Variants in BPNT1 observed in about 807,000 individuals in gnomAD.
BPNT1 encodes the protein 3'(2'), 5'-bisphosphate nucleotidase 1, also known as 3'(2'),5'-bisphosphate nucleotidase 1.
BPNT1 carries 28 observed loss-of-function variants against 36.9 expected under a neutral mutation model. That is an observed-to-expected ratio of 0.76 (90% CI 0.56 to 1.04). The LOEUF (loss-of-function observed/expected upper bound fraction) is 1.04, where lower values mean the gene tolerates loss of function less well. BPNT1 is among the 50% of genes least tolerant of loss of function. The pLI is 0.00. For missense variants in BPNT1, 313 were observed against 372.9 expected, an observed-to-expected ratio of 0.84 and a Z score of 1.32; for synonymous variants, 119 against 130.9, an observed-to-expected ratio of 0.91 and a Z score of 0.62.
At chr1:220,075,284 C>T (rs1349969260) in intron 2 of BPNT1, among the ~76,000 whole-genome samples, 3 of 152,222 alleles carry the variant, frequency 2.0e-5, no homozygotes, top group South Asian at 2.1e-4. Context: ...CCTCATGATC[C>T]GCCCACCTCG....
At chr1:220,087,881 T>C (rs186901407) in intron 1 of BPNT1, among the ~76,000 whole-genome samples, 1 of 151,928 alleles carries the variant, frequency 6.6e-6, no homozygotes, top group Non-Finnish European at 1.5e-5. Context: ...ATTAATTAAT[T>C]TATTTATTTT....
intron 4 of BPNT1, among the ~76,000 whole-genome samples, chr1:220,071,538 A>G (rs1331431726): frequency 1.3e-5 from 2 of 152,220 alleles, no homozygotes; most frequent in African/African-American, 4.8e-5. Flanking sequence ...GTAAAACTGC[A>G]CAAGGTAGGA....
intron 5 of BPNT1, 50 bp from the exon 6 acceptor site, chr1:220,067,443 TC>T: frequency 7.9e-7 from 1 of 1,265,510 alleles, no homozygotes; most frequent in Non-Finnish European, 1.1e-6. Context: ...ATATTATGAC[TC>T]ATCATTACTA....
chr1:220,068,999 A>G lies in BPNT1; in HGVS notation c.382+385T>C, dbSNP rs557686593. On this transcript the variant is annotated intron_variant, in intron 5 of 8. Transcript: ENST00000322067. ...GAAAGCAGTTCACAGATTAGGGGAGAGTGAATGGGGAGGGCATGGGATGGT... is the reference window on the plus strand; with the variant it reads ...GAAAGCAGTTCACAGATTAGGGGAGGGTGAATGGGGAGGGCATGGGATGGT... Among the ~76,000 whole-genome samples, 3 of 152,240 alleles carry G rather than the reference A, an allele frequency of 2.0e-5. No individual in the cohort carries two copies. In the South Asian group the frequency reaches 6.2e-4, roughly 32 times the overall value.
chr1:220,063,799 T>A (rs1663278532), intron 6 of BPNT1, among the ~76,000 whole-genome samples: 1 of 152,112 alleles, frequency 6.6e-6, no homozygotes, highest in Non-Finnish European at 1.5e-5. Context: ...TGCTGACAAT[T>A]TTAACAGCAA....
intron 1 of BPNT1, among the ~76,000 whole-genome samples, chr1:220,082,364 A>G (rs944593488): frequency 6.6e-6 from 1 of 151,428 alleles, no homozygotes; most frequent in Non-Finnish European, 1.5e-5. Context: ...TATTTTTAGT[A>G]GAGACGGGGT....
intron 1 of BPNT1, 141 bp from the exon 2 acceptor site, chr1:220,079,995 T>C: frequency 6.9e-6 from 6 of 870,718 alleles, no homozygotes; most frequent in Non-Finnish European, 9.8e-6. Context: ...TTAATATATA[T>C]TTACTAAAAG....
chr1:220,084,418 C>T (rs1311211971), intron 1 of BPNT1, among the ~76,000 whole-genome samples: 4 of 152,012 alleles, frequency 2.6e-5, no homozygotes, highest in Non-Finnish European at 5.9e-5. Flanking sequence ...CCTTTATATC[C>T]ATATCCAGAC....
At chr1:220,068,853 C>T (rs1663787632) in intron 5 of BPNT1, among the ~76,000 whole-genome samples, 1 of 152,120 alleles carries the variant, frequency 6.6e-6, no homozygotes, top group Non-Finnish European at 1.5e-5. Flanking sequence ...TTGTTCATTC[C>T]TACATTTATA....
chr1:220,079,406 C>T (rs1664901673), intron 2 of BPNT1, among the ~76,000 whole-genome samples: 1 of 152,106 alleles, frequency 6.6e-6, no homozygotes, highest in African/African-American at 2.4e-5. Context: ...GCGCTCGCCA[C>T]CACGCCTGGC....
intron 8 of BPNT1, 47 bp downstream of exon 8, chr1:220,059,639 T>C (rs1662839548): frequency 7.5e-7 from 1 of 1,332,042 alleles, no homozygotes; most frequent in South Asian, 1.3e-5. Flanking sequence ...CTTAGCATGA[T>C]ATAATTGTAG....
At chr1:220,075,653 T>C (rs975040474) in intron 2 of BPNT1, among the ~76,000 whole-genome samples, 1 of 152,202 alleles carries the variant, frequency 6.6e-6, no homozygotes, top group Non-Finnish European at 1.5e-5. Context: ...TTCCACTATG[T>C]GAGGAAATCA....
intron 6 of BPNT1, among the ~76,000 whole-genome samples, chr1:220,064,356 T>C (rs1387608910): frequency 1.3e-5 from 2 of 152,184 alleles, no homozygotes; most frequent in South Asian, 2.1e-4. Context: ...TTGGGTTCCC[T>C]GGGAAGCAGA....
At chr1:220,073,860 A>T (rs1664305372) in intron 3 of BPNT1, 107 bp downstream of exon 3, 10 of 1,006,402 alleles carry the variant, frequency 9.9e-6, no homozygotes, top group Non-Finnish European at 1.5e-5. Flanking sequence ...TAAAACAATA[A>T]ATATAATGCT....
intron 7 of BPNT1, among the ~76,000 whole-genome samples, chr1:220,061,458 C>T (rs1259689671): frequency 4.7e-5 from 7 of 148,698 alleles, no homozygotes; most frequent in African/African-American, 1.2e-4. Flanking sequence ...CGCTTGAACC[C>T]GGGAGGTGGA....
chr1:220,066,759 T>C (rs2102658858), intron 6 of BPNT1, among the ~76,000 whole-genome samples: 1 of 152,306 alleles, frequency 6.6e-6, no homozygotes, highest in Admixed American at 6.5e-5. Flanking sequence ...AAGAGCATAG[T>C]ACGTTCTGTT....
At chr1:220,072,424 C>T (rs1048138508) in intron 4 of BPNT1, among the ~76,000 whole-genome samples, 1 of 151,880 alleles carries the variant, frequency 6.6e-6, no homozygotes, top group African/African-American at 2.4e-5. Context: ...AGGTGATCCT[C>T]CCATCTCAAC....
intron 6 of BPNT1, among the ~76,000 whole-genome samples, chr1:220,065,561 A>C (rs1438248639): frequency 6.6e-6 from 1 of 152,216 alleles, no homozygotes; most frequent in African/African-American, 2.4e-5. Flanking sequence ...GGCAATATAA[A>C]GTAATACAGT....
In BPNT1 at chr1:220,057,977, A is replaced by T; in HGVS notation, c.*867T>A. 2 of 736,072 alleles carry T rather than the reference A, an allele frequency of 2.7e-6. No individual in the cohort carries two copies. The highest frequency in any genetic ancestry group is 3.6e-5 in the South Asian group (2 of 55,736). The allele number at this position is 736,072 out of a possible 1,614,324, so 45.6% of individuals were successfully genotyped here. On this transcript the variant is annotated 3_prime_UTR_variant, in exon 9 of 9. Transcript: ENST00000322067. ...CAGATCACGATGTCAGGAGATCAAG[A>T]CCATCCTGGCTAACACGGTGAAACA...
Sources: allele counts gnomAD v4.1 joint callset (sites outside exome capture counted in the v4.1 genomes callset), GRCh38; gene constraint gnomAD v4.1.1; transcripts MANE v1.5; gene names NCBI Gene and HGNC (gene_info 2026-07-23, HGNC 2026-07-21).